The following C15orf39 variants were observed in gnomAD, a reference collection of about 807,000 sequenced individuals.
C15orf39 encodes the protein uncharacterized protein C15orf39.
In C15orf39, 24 loss-of-function variants were observed where a neutral mutation model predicts 53.9. The ratio of observed to expected loss-of-function variants is 0.45; its 90% CI spans 0.32 to 0.63. The LOEUF (loss-of-function observed/expected upper bound fraction) is 0.63. Among genes scored for constraint, C15orf39 ranks in the 20% least tolerant of loss-of-function variants. The pLI is 0.04. For missense variants in C15orf39, 1,271 were observed against 1,347.9 expected, an observed-to-expected ratio of 0.94 and a Z score of 0.89; for synonymous variants, 569 against 576.5, an observed-to-expected ratio of 0.99 and a Z score of 0.19.
In C15orf39 at chr15:75,206,305, A is replaced by G. The variant is rs1462416157; in HGVS notation, c.257A>G (p.Asn86Ser). The G allele has an allele frequency of 4.3e-6, 7 of 1,613,884 alleles. No homozygotes were observed. In the African/African-American group the frequency reaches 5.3e-5, roughly 12 times the overall value. ...GCAGGACCCCCACTTCAGGCAGACAACCTGCTGACCAACTGCCTGTTCTAC... is the reference window on the plus strand; with the variant it reads ...GCAGGACCCCCACTTCAGGCAGACAGCCTGCTGACCAACTGCCTGTTCTAC... ...GMAGPPLQADNLLTNCLFYRS... is the reference protein window; with the variant it reads ...GMAGPPLQADSLLTNCLFYRS... The change falls in exon 2 of 3, where the codon AAC becomes AGC. Residue 86 changes from asparagine to serine, a missense_variant. This residue lies in a region of C15orf39 where 994 missense variants were observed against 993.7 expected (regional missense o/e 1.00). Coordinates refer to ENST00000394987, the MANE Select transcript of C15orf39 (RefSeq NM_015492.5).
rs778553168 is a variant in C15orf39, at chr15:75,206,425, C to T, written c.377C>T (p.Pro126Leu). The T allele has an allele frequency of 6.2e-7, 1 of 1,614,016 alleles. No homozygotes were observed. The highest frequency in any genetic ancestry group is 8.5e-7 in the Non-Finnish European group (1 of 1,179,944). ...CAGGCTCACTCCTACCCAGGCCCAC[C>T]ACTGGCAGCACCCAAACCTGTCTAC... The part of the protein sequence containing the change: ...SPQAHSYPGP[P>L]LAAPKPVYRN... The change falls in exon 2 of 3, where the codon CCA (proline) becomes CTA (leucine). Residue 126 changes from proline to leucine, a missense_variant. Physicochemically the swap from Pro to Leu is moderately conservative, Grantham distance 98 (BLOSUM62 -3). Transcript: ENST00000394987.
At chr15:75,203,428 G>A (rs1481619636) in intron 1 of C15orf39, among the ~76,000 whole-genome samples, 1 of 152,220 alleles carries the variant, frequency 6.6e-6, no homozygotes. Flanking sequence ...CAGGGAAGGA[G>A]GCACCTACAT....
chr15:75,201,608 C>G (rs1041154807), upstream of C15orf39, among the ~76,000 whole-genome samples: 14 of 152,250 alleles, frequency 9.2e-5, no homozygotes, highest in Non-Finnish European at 1.3e-4. This position sits in a 1 kb window ranked among gnomAD's most constrained non-coding sequence, Gnocchi z 4.7. Flanking sequence ...GCGGCAGGCG[C>G]AAGGTCACAT....
In C15orf39 at chr15:75,206,840, C is replaced by T. The variant is rs146917321; in HGVS notation, c.792C>T (p.Thr264=). ...CCCTGGGGCCACCCTGTCAGGACAC[C>T]GGGCCCACCCACTACCCACCACCCC... is the stretch of plus-strand genomic sequence containing the variant. ...AQPLGPPCQD[T]GPTHYPPPHH... is the part of the protein sequence containing the mutation. The change falls in exon 2 of 3, where the codon ACC becomes ACT. Residue 264 remains threonine, a synonymous_variant. Transcript: ENST00000394987. 8.4e-5 allele frequency: 133 copies of T among 1,592,142 alleles called. 1 individual carries two copies. The African/African-American group carries it at 1.3e-3, about 15-fold the overall frequency.
chr15:75,211,269 G>A lies in C15orf39; in HGVS notation c.*153G>A. ...CCCTGTGGCCCATTCAGGGTGGGCTGAAGAGCCCCTGAGCTTTTAACGTGA... is the reference window on the plus strand; with the variant it reads ...CCCTGTGGCCCATTCAGGGTGGGCTAAAGAGCCCCTGAGCTTTTAACGTGA... On this transcript the variant is annotated 3_prime_UTR_variant, in exon 3 of 3. Transcript: ENST00000394987. 1.9e-6 allele frequency: 2 copies of A among 1,034,038 alleles called. No homozygotes were observed. The highest frequency in any genetic ancestry group is 2.7e-6 in the Non-Finnish European group (2 of 734,596). 64.1% of individuals were successfully genotyped at this position (1,034,038 alleles called of 1,614,324 possible).
chr15:75,200,577 T>TG (rs2070394663), upstream of C15orf39, among the ~76,000 whole-genome samples: 1 of 152,160 alleles, frequency 6.6e-6, no homozygotes, highest in Non-Finnish European at 1.5e-5. Context: ...GGCTGCAGGC[T>TG]GGGGTTAAGG....
In C15orf39 at chr15:75,208,131, G is replaced by A. The variant is rs564260288; in HGVS notation, c.2083G>A (p.Ala695Thr). Residue 695 changes from alanine to threonine, a missense_variant, in exon 2 of 3, where the codon GCT becomes ACT. By Grantham distance (58) the Ala-to-Thr change is moderately conservative. This residue lies in a region of C15orf39 where 994 missense variants were observed against 993.7 expected (regional missense o/e 1.00). Coordinates refer to ENST00000394987, the MANE Select transcript of C15orf39 (RefSeq NM_015492.5). ...TSGPIGLRIL[A>T]QQPLSVTCFS... ...TGGGCCCATTGGACTGCGGATTCTC[G>A]CTCAACAGCCCTTGTCTGTGACCTG... 3.2e-5 allele frequency: 52 copies of A among 1,613,910 alleles called. No individual in the cohort carries two copies. The South Asian group carries it at 3.7e-4, about 12-fold the overall frequency.
intron 1 of C15orf39, among the ~76,000 whole-genome samples, chr15:75,202,845 C>A (rs1349343272): frequency 6.6e-6 from 1 of 152,166 alleles, no homozygotes; most frequent in African/African-American, 2.4e-5. Context: ...TGCGTCTCGG[C>A]GCCGCCGGGA....
At chr15:75,203,098 G>T (rs2070416056) in intron 1 of C15orf39, among the ~76,000 whole-genome samples, 1 of 152,254 alleles carries the variant, frequency 6.6e-6, no homozygotes, top group Admixed American at 6.5e-5. Flanking sequence ...ACTCGGCGAG[G>T]CCCGATCCAG....
At chr15:75,209,357 G>A (rs960966164) in intron 2 of C15orf39, 2 of 154,454 alleles carry the variant, frequency 1.3e-5, no homozygotes, top group African/African-American at 4.8e-5. Flanking sequence ...TGTCAGTGAA[G>A]GGCACCCCCT....
intron 1 of C15orf39, 94 bp from the exon 2 acceptor site, chr15:75,205,905 G>C: frequency 1.2e-6 from 1 of 822,008 alleles, no homozygotes; most frequent in Non-Finnish European, 1.8e-6. Flanking sequence ...CAGGTTCTTA[G>C]GTGTAGCCGT....
rs1595955309 is a variant in C15orf39 at position 75,207,112 on chromosome 15, C to T, written c.1064C>T (p.Pro355Leu). 1 of 1,613,546 alleles carries T rather than the reference C, an allele frequency of 6.2e-7. No individual in the cohort carries two copies. The highest frequency in any genetic ancestry group is 1.6e-4 in the Middle Eastern group (1 of 6,062). ...YPSAPLPAPS[P>L]GLKLEPPLTP... ...TCTGCCCCTCTCCCAGCACCCTCTC[C>T]AGGCCTCAAGCTGGAGCCGCCTCTC... The change falls in exon 2 of 3, where the codon CCA becomes CTA. Residue 355 changes from proline to leucine, a missense_variant. This residue lies in a region of C15orf39 where 994 missense variants were observed against 993.7 expected (regional missense o/e 1.00). Coordinates refer to ENST00000394987, the MANE Select transcript of C15orf39 (RefSeq NM_015492.5).
intron 2 of C15orf39, chr15:75,209,182 A>C: frequency 4.1e-6 from 1 of 242,078 alleles, no homozygotes; most frequent in Non-Finnish European, 8.1e-6. Context: ...AGCTGAGATA[A>C]TTTCCCTGAT....
intron 1 of C15orf39, among the ~76,000 whole-genome samples, chr15:75,204,449 G>T (rs1224491334): frequency 6.6e-6 from 1 of 152,146 alleles, no homozygotes; most frequent in Non-Finnish European, 1.5e-5. Flanking sequence ...GGCCCCTGGG[G>T]CCTCCCTCCC....
At chr15:75,204,684 A>G (rs1400927572) in intron 1 of C15orf39, among the ~76,000 whole-genome samples, 1 of 151,908 alleles carries the variant, frequency 6.6e-6, no homozygotes, top group Admixed American at 6.6e-5. Context: ...ATTTTTTTGT[A>G]TTTTTAGTAG....
chr15:75,210,554 A>G (rs1174367632), intron 2 of C15orf39, among the ~76,000 whole-genome samples, 195 bp from the exon 3 acceptor site: 1 of 152,154 alleles, frequency 6.6e-6, no homozygotes, highest in African/African-American at 2.4e-5. Flanking sequence ...CTCATCAGAT[A>G]GAGTTCTGGT....
At chr15:75,205,471 G>T (rs759906059) in intron 1 of C15orf39, among the ~76,000 whole-genome samples, 1 of 152,140 alleles carries the variant, frequency 6.6e-6, no homozygotes, top group Non-Finnish European at 1.5e-5. Context: ...GTGGGGATGG[G>T]TGGGGGTTCT....
chr15:75,207,703 TGC>T lies in C15orf39; in HGVS notation c.1656_1657del (p.Pro553CysfsTer9). ...CAGGACAAAGGCTGCAGGGGGACCC[TGC>T]CTGCCCAGGAGGGCCCCTCAGGGAG... On this transcript the variant is annotated frameshift_variant, in exon 2 of 3. Coordinates refer to ENST00000394987, the MANE Select transcript of C15orf39 (RefSeq NM_015492.5). LOFTEE classifies it high-confidence loss of function. 1 of 1,603,708 alleles carries T rather than the reference TGC, an allele frequency of 6.2e-7. No individual in the cohort carries two copies. The highest frequency in any genetic ancestry group is 8.5e-7 in the Non-Finnish European group (1 of 1,174,030).
rs138715960 is a variant in C15orf39, at chr15:75,206,953, T to A, written c.905T>A (p.Leu302His). 1.1e-4 allele frequency: 168 copies of A among 1,558,378 alleles called. 1 individual carries two copies. In the African/African-American group the frequency reaches 2.0e-3, roughly 18 times the overall value. The change falls in exon 2 of 3, where the codon CTC (leucine) becomes CAC (histidine). Residue 302 changes from leucine (L) to histidine (H), a missense_variant. Leu to His is a moderately conservative substitution (Grantham distance 99, BLOSUM62 -3). Transcript: ENST00000394987. ...AAGCAGGGCAGCTACAGCCCAGCAC[T>A]CCCACTGCAGCCTCTGGGGGGCCAC... ...PEKQGSYSPA[L>H]PLQPLGGHKG...
Sources: allele counts gnomAD v4.1 joint callset (sites outside exome capture counted in the v4.1 genomes callset), GRCh38; gene constraint gnomAD v4.1.1; regional missense constraint gnomAD v4.1.1; non-coding constraint Gnocchi (gnomAD v3.1); transcripts MANE v1.5; gene names NCBI Gene and HGNC (gene_info 2026-07-23, HGNC 2026-07-21).